COL5A1: variants seen among roughly 807,000 people sequenced by gnomAD.
COL5A1 encodes collagen alpha-1(V) chain.
A neutral mutation model predicts 263.7 loss-of-function variants in COL5A1; 16 were observed. The observed-to-expected ratio is 0.06, with a 90% CI of 0.04 to 0.09. The LOEUF is 0.09. Ranked by LOEUF, COL5A1 falls within the 10% of genes least tolerant of loss-of-function variation. COL5A1 has a pLI of 1.00. For synonymous variants in COL5A1, 1,012 were observed against 1,004.5 expected (o/e 1.01, Z -0.14); for missense variants, 2,036 against 2,540.5 (o/e 0.80, Z 4.27).
intron 2 of COL5A1, among the ~76,000 whole-genome samples, chr9:134,697,519 G>A (rs1001865880): frequency 6.6e-6 from 1 of 152,148 alleles, no homozygotes; most frequent in Non-Finnish European, 1.5e-5. Context: ...GGGTGGGGAC[G>A]GGAGCCAGGT....
intron 11 of COL5A1, among the ~76,000 whole-genome samples, chr9:134,747,720 T>C (rs1417229477): frequency 2.1e-5 from 3 of 142,934 alleles, no homozygotes; most frequent in Admixed American, 7.0e-5. Context: ...CATACACACA[T>C]GCAGACACAT....
intron 4 of COL5A1, among the ~76,000 whole-genome samples, chr9:134,706,906 G>C (rs1833853599): frequency 6.6e-6 from 1 of 152,230 alleles, no homozygotes; most frequent in Admixed American, 6.5e-5. Context: ...CAGGTGACCT[G>C]GACCCGCCTA....
In COL5A1 at chr9:134,768,445, C is replaced by G; in HGVS notation, c.2268C>G (p.Pro756=). ...GGAAACCAGGCCTTCCAGGAATGCCCGGTGCTGACGGACCCCCGGTGAGTA... is the reference window on the plus strand; with the variant it reads ...GGAAACCAGGCCTTCCAGGAATGCCGGGTGCTGACGGACCCCCGGTGAGTA... ...PLGKPGLPGM[P]GADGPPGHPG... is the part of the protein sequence containing the mutation. The change falls in exon 25 of 66, where the codon CCC becomes CCG. Residue 756 remains proline, a synonymous_variant. Transcript: ENST00000371817. The G allele has an allele frequency of 1.9e-6, 3 of 1,614,016 alleles. No homozygotes were observed. The highest frequency in any genetic ancestry group is 2.2e-5 in the South Asian group (2 of 91,074).
At chr9:134,806,647 G>C (rs1360365549) in intron 42 of COL5A1, among the ~76,000 whole-genome samples, 1 of 152,214 alleles carries the variant, frequency 6.6e-6, no homozygotes, top group Non-Finnish European at 1.5e-5. Flanking sequence ...GTGCGCTGTG[G>C]ACTTGGTCTC....
intron 63 of COL5A1, among the ~76,000 whole-genome samples, chr9:134,828,710 G>GCGCC (rs1564181664): frequency 5.2e-3 from 4 of 772 alleles, no homozygotes; most frequent in African/African-American, 9.3e-3. Context: ...ACCACACATA[G>GCGCC]ATACGCACCA....
At chr9:134,676,879 C>T (rs1331434140) in intron 1 of COL5A1, among the ~76,000 whole-genome samples, 5 of 152,182 alleles carry the variant, frequency 3.3e-5, no homozygotes, top group African/African-American at 1.2e-4. Context: ...GGCTGGCTTC[C>T]TCCTTCTTCC....
At position 134,821,599 on chromosome 9, in the gene COL5A1, G is replaced by T. The variant is rs1032320911; in HGVS notation, c.4555-498G>T. The stretch of plus-strand genomic sequence containing the variant: ...TCAGTGGGGAGAAGGGGTCTGAGCG[G>T]AGGTTCCACGCTCCAAGGATGCAGA... On this transcript the variant is annotated intron_variant, in intron 58 of 65. Transcript: ENST00000371817. This position sits in a 1 kb window ranked among gnomAD's most constrained non-coding sequence, Gnocchi z 4.2. Among the ~76,000 whole-genome samples, 1 of 152,158 alleles carries T rather than the reference G, an allele frequency of 6.6e-6. No individual in the cohort carries two copies. Among genetic ancestry groups the T allele is most frequent in the African/African-American group, 2.4e-5 (1 of 41,434 alleles).
intron 25 of COL5A1, among the ~76,000 whole-genome samples, chr9:134,772,413 G>C (rs11103521): frequency 0.039 from 5,900 of 152,370 alleles, 164 homozygotes; most frequent in Non-Finnish European, 0.057. Context: ...CCACTCGTGG[G>C]TCACTGGTCT....
chr9:134,829,707 C>T (rs566483579), intron 63 of COL5A1, among the ~76,000 whole-genome samples: 16 of 152,146 alleles, frequency 1.1e-4, no homozygotes, highest in East Asian at 3.9e-4. Context: ...CGGCTCCTCA[C>T]GTGGCCTCTA....
Position 134,789,287 on chromosome 9 carries a change from C to G in COL5A1, c.2700+79C>G, listed in dbSNP as rs567649453. The G allele has an allele frequency of 1.5e-5, 18 of 1,197,394 alleles. No individual in the cohort carries two copies. The East Asian group carries it at 4.3e-4, about 28-fold the overall frequency. 74.2% of individuals were successfully genotyped at this position (1,197,394 alleles called of 1,614,324 possible). A position where few individuals can be genotyped will look rare whatever the true frequency, so the allele number is the denominator to read the frequency against. On this transcript the variant is annotated intron_variant, in intron 32 of 65. Coordinates refer to ENST00000371817, the MANE Select transcript of COL5A1 (RefSeq NM_000093.5). The surrounding 1 kb of genome is among the most constrained non-coding windows in gnomAD (Gnocchi z 4.8). ...AGCAAGTTGGTTCTCCAGCCGACGG[C>G]CTGTTTATTTCTCACTCTCTTGCTT... is the stretch of plus-strand genomic sequence containing the variant.
chr9:134,754,503 G>T lies in COL5A1; in HGVS notation c.1827+177G>T, dbSNP rs1235295312. On this transcript the variant is annotated intron_variant, in intron 16 of 65. Transcript: ENST00000371817. The surrounding 1 kb of genome is among the most constrained non-coding windows in gnomAD (Gnocchi z 4.3). ...CCTCTGAGCCAGCTGCCTGGGAGGGGCGCTCTGTGTCCTGGGCGCAGACAC... is the reference window on the plus strand; with the variant it reads ...CCTCTGAGCCAGCTGCCTGGGAGGGTCGCTCTGTGTCCTGGGCGCAGACAC... 6.6e-6 allele frequency among the ~76,000 whole-genome samples: 1 copy of T among 152,272 alleles called. No individual in the cohort carries two copies. Among genetic ancestry groups the T allele is most frequent in the Non-Finnish European group, 1.5e-5 (1 of 68,052 alleles).
chr9:134,800,761 A>C (rs1447393536), intron 37 of COL5A1, among the ~76,000 whole-genome samples: 1 of 150,764 alleles, frequency 6.6e-6, no homozygotes, highest in Non-Finnish European at 1.5e-5. Flanking sequence ...AAAAAAAAAA[A>C]AAAAAAAAAA....
At chr9:134,832,403 C>T (rs1183955973) in intron 64 of COL5A1, among the ~76,000 whole-genome samples, 2 of 151,636 alleles carry the variant, frequency 1.3e-5, no homozygotes, top group African/African-American at 4.9e-5. Flanking sequence ...GAGACTCCGT[C>T]TCCAAAAAAA....
intron 31 of COL5A1, among the ~76,000 whole-genome samples, chr9:134,788,205 G>GA (rs1837533399): frequency 1.3e-5 from 2 of 150,618 alleles, no homozygotes; most frequent in African/African-American, 2.4e-5. Context: ...TAGGCAAATC[G>GA]ATGAATGGGT....
intron 61 of COL5A1, among the ~76,000 whole-genome samples, chr9:134,824,313 A>G (rs984436420): frequency 3.3e-5 from 5 of 152,198 alleles, no homozygotes; most frequent in African/African-American, 1.2e-4. Flanking sequence ...TGAGGGCAGG[A>G]TGGCAGATGC....
intron 1 of COL5A1, among the ~76,000 whole-genome samples, chr9:134,672,740 G>A (rs1383525532): frequency 6.6e-6 from 1 of 152,152 alleles, no homozygotes; most frequent in Non-Finnish European, 1.5e-5. Context: ...GTCTTTATTT[G>A]CAGATCACAT....
chr9:134,766,542 C>T, intron 22 of COL5A1, 44 bp downstream of exon 22: 1 of 1,588,098 alleles, frequency 6.3e-7, no homozygotes, highest in East Asian at 2.2e-5. Flanking sequence ...GGGCACTTTC[C>T]CTGGGCACAC....
At chr9:134,704,170 C>T (rs549015884) in intron 4 of COL5A1, among the ~76,000 whole-genome samples, 16 of 152,150 alleles carry the variant, frequency 1.1e-4, no homozygotes, top group Admixed American at 4.6e-4. Context: ...ACTAGAAATC[C>T]GTGTTCAGGG....
chr9:134,770,561 G>A (rs1178332028), intron 25 of COL5A1, among the ~76,000 whole-genome samples: 1 of 152,182 alleles, frequency 6.6e-6, no homozygotes, highest in African/African-American at 2.4e-5. Flanking sequence ...CCATGCCAAG[G>A]GCGCATGCAT....
Sources: allele counts gnomAD v4.1 joint callset (sites outside exome capture counted in the v4.1 genomes callset), GRCh38; gene constraint gnomAD v4.1.1; non-coding constraint Gnocchi (gnomAD v3.1); transcripts MANE v1.5; gene names NCBI Gene and HGNC (gene_info 2026-07-23, HGNC 2026-07-21).